MYH11: variants seen among roughly 807,000 people sequenced by gnomAD.
MYH11 encodes the protein myosin heavy chain 11, also known as myosin-11.
Under a neutral mutation model 246.6 loss-of-function variants are expected in MYH11, and 80 were observed. That is an observed-to-expected ratio of 0.32 (90% CI 0.27 to 0.39). The LOEUF (loss-of-function observed/expected upper bound fraction) is 0.39. MYH11 is among the 10% of genes least tolerant of loss of function. MYH11 has a pLI of 1.00. For synonymous variants in MYH11, 1,071 were observed against 1,015.5 expected (o/e 1.05, Z -1.04); for missense variants, 2,158 against 2,546.8 (o/e 0.85, Z 3.29).
chr16:15,778,264 TAAG>T (rs2151298516), intron 7 of MYH11, among the ~76,000 whole-genome samples: 1 of 152,238 alleles, frequency 6.6e-6, no homozygotes, highest in East Asian at 1.9e-4. Flanking sequence ...ATTTCCTACC[TAAG>T]AAGTGGAGCC....
chr16:15,743,853 A>G (rs1379636107), intron 20 of MYH11, among the ~76,000 whole-genome samples: 1 of 152,214 alleles, frequency 6.6e-6, no homozygotes, highest in Non-Finnish European at 1.5e-5. Context: ...ACTCAAGGGC[A>G]TATAAGGAGA....
At chr16:15,728,627 C>CG (rs2040869108) in intron 27 of MYH11, among the ~76,000 whole-genome samples, 1 of 152,010 alleles carries the variant, frequency 6.6e-6, no homozygotes, top group Admixed American at 6.6e-5. Flanking sequence ...GGGCCAGGCG[C>CG]GGTGGCTCAG....
chr16:15,715,229 T>G lies in MYH11; in HGVS notation c.5548A>C (p.Lys1850Gln). 1 of 1,614,148 alleles carries G rather than the reference T, an allele frequency of 6.2e-7. No homozygotes were observed. Among genetic ancestry groups the G allele is most frequent in the Non-Finnish European group, 8.5e-7 (1 of 1,180,026 alleles). The part of the protein sequence containing the change: ...ATKSLKQKDK[K>Q]LKEILLQVED... The stretch of plus-strand genomic sequence containing the variant: ...ACCTGCAGCAAGATTTCCTTCAGCT[T>G]CTTGTCTTTCTGCTTCAGCGACTTG... The change falls in exon 39 of 41, where the codon AAG (lysine) becomes CAG (glutamine). Residue 1850 changes from lysine to glutamine, a missense_variant. This residue lies in a region of MYH11 where 1,013 missense variants were observed against 993.5 expected (regional missense o/e 1.02). Coordinates refer to ENST00000300036, the MANE Select transcript of MYH11 (RefSeq NM_002474.3).
intron 33 of MYH11, among the ~76,000 whole-genome samples, chr16:15,720,635 C>T (rs2040416186): frequency 6.6e-6 from 1 of 151,820 alleles, no homozygotes; most frequent in African/African-American, 2.4e-5. Context: ...GCCTGTAATC[C>T]AAGCTACTCG....
intron 8 of MYH11, among the ~76,000 whole-genome samples, chr16:15,773,033 A>C (rs1046669903): frequency 3.3e-5 from 5 of 152,136 alleles, no homozygotes; most frequent in African/African-American, 1.2e-4. Context: ...TGCACAGTAA[A>C]TGTAATACAC....
chr16:15,814,291 G>A (rs1345703268), intron 3 of MYH11, among the ~76,000 whole-genome samples: 2 of 151,966 alleles, frequency 1.3e-5, no homozygotes, highest in Admixed American at 6.6e-5. Context: ...CGTGGCTCAC[G>A]CCTGTAATCC....
At chr16:15,726,705 A>C (rs991795104) in intron 28 of MYH11, 143 bp downstream of exon 28, 2 of 947,430 alleles carry the variant, frequency 2.1e-6, no homozygotes, top group Non-Finnish European at 3.3e-6. Context: ...CAGGGAGATC[A>C]TCGCCTCTCC....
chr16:15,781,053 GA>G (rs1467825328), intron 6 of MYH11, among the ~76,000 whole-genome samples: 2 of 152,030 alleles, frequency 1.3e-5, no homozygotes, highest in Non-Finnish European at 2.9e-5. Flanking sequence ...CCCGAGCATT[GA>G]TATGCTGAAA....
chr16:15,822,666 G>C lies in MYH11; in HGVS notation c.502+589C>G, dbSNP rs141963503. Among the ~76,000 whole-genome samples, 564 of 152,286 alleles carry C rather than the reference G, an allele frequency of 3.7e-3. 8 individuals carry two copies. The highest frequency in any genetic ancestry group is 0.013 in the African/African-American group (526 of 41,568). On this transcript the variant is annotated intron_variant, in intron 3 of 40. Coordinates refer to ENST00000300036, the MANE Select transcript of MYH11 (RefSeq NM_002474.3). ...GGAGGCGGAGGTTGCAGGGAGCCGA[G>C]ATGGCACCACTGCACTTCAGCCTGG...
chr16:15,715,116 G>T (rs1207742587), intron 39 of MYH11, 35 bp from the exon 40 acceptor site: 1 of 1,612,090 alleles, frequency 6.2e-7, no homozygotes, highest in Non-Finnish European at 8.5e-7. Context: ...GTTAGGGGAG[G>T]CCGGCTGGGG....
intron 22 of MYH11, among the ~76,000 whole-genome samples, chr16:15,740,453 C>T (rs1421559641): frequency 6.6e-6 from 1 of 151,398 alleles, no homozygotes; most frequent in African/African-American, 2.4e-5. Context: ...ACTAAAAATA[C>T]AAAAAAAATT....
At chr16:15,822,270 T>C (rs11864608) in intron 3 of MYH11, among the ~76,000 whole-genome samples, 20,882 of 152,034 alleles carry the variant, frequency 0.14, 1,479 homozygotes, top group East Asian at 0.15. Context: ...GGGGTGTGAG[T>C]TTTCGAGTTT....
At chr16:15,766,782 T>C (rs1301489371) in intron 9 of MYH11, among the ~76,000 whole-genome samples, 1 of 152,190 alleles carries the variant, frequency 6.6e-6, no homozygotes, top group South Asian at 2.1e-4. Context: ...TTAAATGTAA[T>C]TCCAGAAATG....
At chr16:15,795,676 T>A (rs1023100305) in intron 4 of MYH11, among the ~76,000 whole-genome samples, 1 of 152,162 alleles carries the variant, frequency 6.6e-6, no homozygotes. Flanking sequence ...GAAGGATTTT[T>A]AAAAAATAGT....
At chr16:15,791,747 C>T (rs2042615508) in intron 4 of MYH11, 1 of 149,198 alleles carries the variant, frequency 6.7e-6, no homozygotes, top group African/African-American at 2.5e-5. Flanking sequence ...AATCATAGCT[C>T]ACTGCAGCTG....
At chr16:15,755,474 G>A (rs2041686951) in intron 14 of MYH11, among the ~76,000 whole-genome samples, 2 of 152,168 alleles carry the variant, frequency 1.3e-5, no homozygotes, top group South Asian at 2.1e-4. Context: ...GTAGCAGGAA[G>A]GATTTAGAGT....
At chr16:15,824,923 T>C (rs181318567) in intron 2 of MYH11, among the ~76,000 whole-genome samples, 59 of 152,130 alleles carry the variant, frequency 3.9e-4, no homozygotes, top group Admixed American at 1.4e-3. Context: ...CATGGTGAGG[T>C]TGTCACCAGG....
intron 40 of MYH11, chr16:15,708,720 T>C (rs2039603718): frequency 6.4e-6 from 9 of 1,408,442 alleles, no homozygotes; most frequent in Non-Finnish European, 9.9e-7. Flanking sequence ...GGTTTAAAAA[T>C]TGGGGTGGGC....
rs553704245 is a variant in MYH11, at chr16:15,763,897, G to T, written c.1034-6C>A. On this transcript the variant is annotated splice_region_variant and splice_polypyrimidine_tract_variant and intron_variant, in intron 9 of 40. Coordinates refer to ENST00000300036, the MANE Select transcript of MYH11 (RefSeq NM_002474.3). ...TGATACCACCTTCAATATGGCTGAG[G>T]TGGGGAGAGAAGGGCAGAGCAGACA... The T allele has an allele frequency of 1.2e-6, 2 of 1,611,322 alleles. No individual in the cohort carries two copies. The highest frequency in any genetic ancestry group is 2.7e-5 in the African/African-American group (2 of 74,946).
Sources: gnomAD v4.1 joint callset for allele counts (sites outside exome capture counted in the v4.1 genomes callset) on GRCh38, gnomAD v4.1.1 for gene constraint, gnomAD v4.1.1 regional missense constraint, MANE v1.5 for transcripts, NCBI Gene and HGNC (gene_info 2026-07-23, HGNC 2026-07-21) for gene names.